Variants in SYNPR observed in about 807,000 individuals in gnomAD.
SYNPR encodes synaptoporin.
In SYNPR, 23 loss-of-function variants were observed where a neutral mutation model predicts 32.9. That is an observed-to-expected ratio of 0.70 (90% CI 0.50 to 0.99). SYNPR has a LOEUF of 0.99. Among genes scored for constraint, SYNPR ranks in the 50% least tolerant of loss-of-function variants. The pLI, the probability that SYNPR is intolerant of heterozygous loss-of-function variation, is 0.00. For synonymous variants in SYNPR, 146 were observed against 135.9 expected, an observed-to-expected ratio of 1.07 and a Z score of -0.52; for missense variants, 318 against 349.3, an observed-to-expected ratio of 0.91 and a Z score of 0.71.
chr3:63,509,270 AG>A (rs1701647439), intron 3 of SYNPR, among the ~76,000 whole-genome samples: 1 of 149,138 alleles, frequency 6.7e-6, no homozygotes, highest in African/African-American at 2.5e-5. Flanking sequence ...TAAGGCTGAA[AG>A]TTATATATAT....
chr3:63,230,453 C>G (rs1019903432), intron 1 of SYNPR, among the ~76,000 whole-genome samples: 2 of 152,140 alleles, frequency 1.3e-5, no homozygotes, highest in African/African-American at 4.8e-5. Flanking sequence ...TAATAATTGA[C>G]CCTTTTCACC....
intron 2 of SYNPR, among the ~76,000 whole-genome samples, chr3:63,384,884 C>G (rs919895106): frequency 6.6e-6 from 1 of 152,114 alleles, no homozygotes; most frequent in African/African-American, 2.4e-5. Flanking sequence ...AGGCTGGATT[C>G]AATTTTAGAT....
chr3:63,480,696 C>G (rs1444091110), intron 2 of SYNPR, 136 bp from the exon 3 acceptor site: 12 of 1,165,382 alleles, frequency 1.0e-5, no homozygotes, highest in Non-Finnish European at 1.4e-5. Context: ...CATCTTCCAG[C>G]TGAACCAAGG....
intron 2 of SYNPR, among the ~76,000 whole-genome samples, chr3:63,340,564 C>T (rs1000752437): frequency 2.7e-5 from 4 of 150,082 alleles, no homozygotes; most frequent in Admixed American, 1.3e-4. Context: ...GGACTACAGG[C>T]GCCCGCCACT....
chr3:63,579,595 A>G (rs1044154529), intron 4 of SYNPR, among the ~76,000 whole-genome samples: 18 of 152,234 alleles, frequency 1.2e-4, no homozygotes, highest in African/African-American at 4.3e-4. Flanking sequence ...GTCCAAGACT[A>G]TATTTCCAGT....
chr3:63,349,663 C>G (rs2087480353), intron 2 of SYNPR, among the ~76,000 whole-genome samples: 2 of 152,078 alleles, frequency 1.3e-5, no homozygotes, highest in African/African-American at 4.8e-5. Context: ...GATTTTGCAT[C>G]CTGACACTTT....
At chr3:63,593,789 T>C (rs781356618) in intron 4 of SYNPR, among the ~76,000 whole-genome samples, 5 of 152,132 alleles carry the variant, frequency 3.3e-5, no homozygotes, top group Admixed American at 6.6e-5. Context: ...TCCTGATTAA[T>C]TGGCAGTGTG....
chr3:63,600,862 C>A (rs547512938), intron 4 of SYNPR, among the ~76,000 whole-genome samples: 1 of 152,274 alleles, frequency 6.6e-6, no homozygotes, highest in South Asian at 2.1e-4. Context: ...TTCTTCATAG[C>A]AACATAAGAA....
At chr3:63,445,875 A>AT (rs1043614256) in intron 2 of SYNPR, among the ~76,000 whole-genome samples, 2 of 152,040 alleles carry the variant, frequency 1.3e-5, no homozygotes, top group African/African-American at 4.8e-5. Context: ...TAAACATCCT[A>AT]TTTTTCCCCA....
chr3:63,298,821 G>C (rs1027297719), intron 2 of SYNPR, among the ~76,000 whole-genome samples: 1 of 152,126 alleles, frequency 6.6e-6, no homozygotes, highest in African/African-American at 2.4e-5. Context: ...TTGGCAACTG[G>C]CTCTTAATCC....
In SYNPR at chr3:63,304,941, T is replaced by C. The variant is rs571090024; in HGVS notation, c.84+26199T>C. Among the ~76,000 whole-genome samples the C allele has an allele frequency of 2.0e-3, 300 of 152,118 alleles. 2 individuals are homozygous for C. The highest frequency in any genetic ancestry group is 6.6e-3 in the African/African-American group (273 of 41,538). On this transcript the variant is annotated intron_variant, in intron 2 of 5. Transcript: ENST00000478300. ...TTCAGTCCTAGCTTGCCATATTACT[T>C]ATAGAACAGTGGAGAAAGTTATATT... is the stretch of plus-strand genomic sequence containing the variant.
At chr3:63,482,876 C>A (rs1279820004) in intron 3 of SYNPR, among the ~76,000 whole-genome samples, 1 of 152,110 alleles carries the variant, frequency 6.6e-6, no homozygotes, top group African/African-American at 2.4e-5. Context: ...AGGATTTATA[C>A]AGACTATTAT....
At chr3:63,335,766 C>CTTTTTTTTTTTTTTTTTTT (rs3082128) in intron 2 of SYNPR, among the ~76,000 whole-genome samples, 1 of 91,474 alleles carries the variant, frequency 1.1e-5, no homozygotes, top group African/African-American at 4.9e-5. Flanking sequence ...TATTAGCTTC[C>CTTTTTTTTTTTTTTTTTTT]TTTTTTTTTT....
intron 2 of SYNPR, among the ~76,000 whole-genome samples, chr3:63,344,517 T>G (rs527811209): frequency 2.6e-5 from 4 of 151,492 alleles, no homozygotes; most frequent in Non-Finnish European, 4.4e-5. Flanking sequence ...TGTATTAAAA[T>G]CCCTGTGAGA....
intron 2 of SYNPR, among the ~76,000 whole-genome samples, chr3:63,288,878 C>T (rs977049733): frequency 2.0e-5 from 3 of 152,218 alleles, no homozygotes; most frequent in Non-Finnish European, 2.9e-5. Flanking sequence ...TGAGCAAATA[C>T]CTCTGGAAAA....
chr3:63,396,341 A>C (rs1460127094), intron 2 of SYNPR, among the ~76,000 whole-genome samples: 1 of 152,240 alleles, frequency 6.6e-6, no homozygotes, highest in East Asian at 1.9e-4. Flanking sequence ...TGAGTTTTGT[A>C]GAAGTGAAAC....
intron 2 of SYNPR, among the ~76,000 whole-genome samples, chr3:63,400,875 T>C (rs775064775): frequency 2.0e-5 from 3 of 152,094 alleles, no homozygotes; most frequent in Non-Finnish European, 4.4e-5. Context: ...ATTAATTAAA[T>C]AGCAGTAGGG....
At chr3:63,285,715 G>A (rs780822870) in intron 2 of SYNPR, among the ~76,000 whole-genome samples, 3 of 152,168 alleles carry the variant, frequency 2.0e-5, no homozygotes, top group Non-Finnish European at 4.4e-5. Flanking sequence ...GGTCAGGAAT[G>A]CTTCTTATGG....
chr3:63,258,557 G>A (rs2086408683), intron 2 of SYNPR, among the ~76,000 whole-genome samples: 1 of 152,086 alleles, frequency 6.6e-6, no homozygotes, highest in South Asian at 2.1e-4. Context: ...GAATCTCTGG[G>A]GCATATTCAA....
Sources: allele counts gnomAD v4.1 joint callset (sites outside exome capture counted in the v4.1 genomes callset), GRCh38; gene constraint gnomAD v4.1.1; transcripts MANE v1.5; gene names NCBI Gene and HGNC (gene_info 2026-07-23, HGNC 2026-07-21).